The following HMGXB4 variants were observed in gnomAD, a reference collection of about 807,000 sequenced individuals.
HMGXB4 encodes HMG domain-containing protein 4.
In HMGXB4, 27 loss-of-function variants were observed where a neutral mutation model predicts 63.9. That is an observed-to-expected ratio of 0.42 (90% CI 0.31 to 0.58). HMGXB4 has a LOEUF of 0.58. Among genes scored for constraint, HMGXB4 ranks in the 20% least tolerant of loss-of-function variants. The pLI is 0.13. For synonymous variants in HMGXB4, 264 were observed against 265.3 expected (o/e 0.99, Z 0.05); for missense variants, 624 against 700.7 (o/e 0.89, Z 1.24).
chr22:35,257,214 TGTGTATCCTTGG>T (rs1458391121), upstream of HMGXB4, among the ~76,000 whole-genome samples: 5 of 152,260 alleles, frequency 3.3e-5, no homozygotes, highest in Admixed American at 2.6e-4. Flanking sequence ...TCCAACTACC[TGTGTATCCTTGG>T]GCACGTCACT....
intron 5 of HMGXB4, among the ~76,000 whole-genome samples, 165 bp from the exon 6 acceptor site, chr22:35,283,797 A>ATG (rs1924406990): frequency 6.6e-6 from 1 of 151,036 alleles, no homozygotes; most frequent in Non-Finnish European, 1.5e-5. Context: ...CTCAAAAAAT[A>ATG]TATATATATA....
At chr22:35,265,629 G>C (rs1923190903) in intron 5 of HMGXB4, 26 bp downstream of exon 5, 2 of 1,511,500 alleles carry the variant, frequency 1.3e-6, no homozygotes, top group South Asian at 1.3e-5. Flanking sequence ...AGTGTGGTGG[G>C]GGTAAGAGAT....
At chr22:35,270,290 T>C (rs1297010032) in intron 5 of HMGXB4, among the ~76,000 whole-genome samples, 1 of 152,120 alleles carries the variant, frequency 6.6e-6, no homozygotes, top group Admixed American at 6.5e-5. Flanking sequence ...CCCCAGCAGG[T>C]TCCTTATGAG....
intron 1 of HMGXB4, among the ~76,000 whole-genome samples, chr22:35,258,960 G>C (rs1922654170): frequency 6.6e-6 from 1 of 152,130 alleles, no homozygotes; most frequent in Admixed American, 6.6e-5. Context: ...GATTGCAGGA[G>C]CTCAAGTTAC....
At chr22:35,271,047 C>G (rs1363901449) in intron 5 of HMGXB4, among the ~76,000 whole-genome samples, 3 of 151,888 alleles carry the variant, frequency 2.0e-5, no homozygotes, top group African/African-American at 7.3e-5. Flanking sequence ...ATCACTCAAG[C>G]CCAAGAGTTT....
chr22:35,280,054 C>G (rs1480751316), intron 5 of HMGXB4, among the ~76,000 whole-genome samples: 1 of 152,126 alleles, frequency 6.6e-6, no homozygotes, highest in Non-Finnish European at 1.5e-5. Flanking sequence ...TTTGTGCTCA[C>G]CTGCTATGGT....
chr22:35,241,540 C>A, the HMGXB4 span, among the ~76,000 whole-genome samples: 1 of 152,196 alleles, frequency 6.6e-6, no homozygotes, highest in African/African-American at 2.4e-5. Context: ...CCTGATGGAT[C>A]CCGGTGGTGC....
At chr22:35,255,904 G>A (rs1922378344), upstream of HMGXB4, among the ~76,000 whole-genome samples, 1 of 152,252 alleles carries the variant, frequency 6.6e-6, no homozygotes, top group Admixed American at 6.5e-5. Context: ...ACCTTTTGGT[G>A]AAACTCATTG....
intron 5 of HMGXB4, among the ~76,000 whole-genome samples, chr22:35,277,473 C>G (rs1027702815): frequency 1.3e-5 from 2 of 152,274 alleles, no homozygotes; most frequent in Admixed American, 6.5e-5. Flanking sequence ...CTCAGCCTCC[C>G]CAGTAGCTGG....
chr22:35,256,707 G>C (rs1267000239), upstream of HMGXB4, among the ~76,000 whole-genome samples: 4 of 152,158 alleles, frequency 2.6e-5, no homozygotes, highest in East Asian at 7.7e-4. Context: ...CACCACATTG[G>C]TCAGGCTGGT....
chr22:35,282,441 G>A (rs1924323734), intron 5 of HMGXB4, among the ~76,000 whole-genome samples: 1 of 152,132 alleles, frequency 6.6e-6, no homozygotes, highest in African/African-American at 2.4e-5. Context: ...GATTACAGGT[G>A]TGAGCTACCC....
At chr22:35,248,490 T>C in the HMGXB4 span, among the ~76,000 whole-genome samples, 1 of 149,388 alleles carries the variant, frequency 6.7e-6, no homozygotes, top group Admixed American at 6.7e-5. Context: ...CACCGTAGTC[T>C]ACACCTCCCA....
At chr22:35,263,300 G>GTTTTT in intron 3 of HMGXB4, 74 bp downstream of exon 3, 1 of 869,934 alleles carries the variant, frequency 1.1e-6, no homozygotes, top group Non-Finnish European at 1.7e-6. Context: ...GTTTTTTTTT[G>GTTTTT]TTTTTTTTTT....
In HMGXB4 at chr22:35,287,468, C is replaced by A. The variant is rs765386189; in HGVS notation, c.1468+16C>A. ...AAAGTCAAAGGTAGTGACCACATCC[C>A]GCCCCTGCTTTTCTCTAAAGCATGT... On this transcript the variant is annotated intron_variant, in intron 8 of 10. Coordinates refer to ENST00000216106, the MANE Select transcript of HMGXB4 (RefSeq NM_001003681.3). 6 of 1,558,852 alleles carry A rather than the reference C, an allele frequency of 3.8e-6. No individual in the cohort carries two copies. The highest frequency in any genetic ancestry group is 5.3e-6 in the Non-Finnish European group (6 of 1,132,320).
chr22:35,252,357 G>A, the HMGXB4 span, among the ~76,000 whole-genome samples: 1 of 152,138 alleles, frequency 6.6e-6, no homozygotes, highest in South Asian at 2.1e-4. Context: ...TACACCCACT[G>A]GACAACAACT....
the HMGXB4 span, among the ~76,000 whole-genome samples, chr22:35,242,398 A>G: frequency 2.0e-5 from 3 of 152,174 alleles, no homozygotes. Flanking sequence ...TGTTTTTTGA[A>G]GAATTGATTT....
chr22:35,249,939 G>A, the HMGXB4 span: 1 of 98,452 alleles, frequency 1.0e-5, no homozygotes. Context: ...GAGAAGGTAG[G>A]GGCTGGCCCA....
intron 3 of HMGXB4, 42 bp downstream of exon 3, chr22:35,263,268 CAT>C (rs1491099265): frequency 3.6e-6 from 5 of 1,397,316 alleles, no homozygotes; most frequent in Non-Finnish European, 4.9e-6. Context: ...TTAAACTACT[CAT>C]TTTTTTTTGG....
intron 8 of HMGXB4, 106 bp downstream of exon 8, chr22:35,287,558 C>T (rs1924670451): frequency 5.6e-6 from 4 of 714,950 alleles, no homozygotes; most frequent in Non-Finnish European, 7.4e-6. Flanking sequence ...GACCTTGATT[C>T]CCAGGTATTA....
Sources: allele counts gnomAD v4.1 joint callset (sites outside exome capture counted in the v4.1 genomes callset), GRCh38; gene constraint gnomAD v4.1.1; transcripts MANE v1.5; gene names NCBI Gene and HGNC (gene_info 2026-07-23, HGNC 2026-07-21).